The following ATP11C variants were observed in gnomAD, a reference collection of about 807,000 sequenced individuals.
ATP11C encodes ATPase phospholipid transporting 11C (ATP11C blood group), also known as phospholipid-transporting ATPase IG.
A neutral mutation model predicts 97.4 loss-of-function variants in ATP11C; 36 were observed. The observed-to-expected ratio is 0.37, with a 90% confidence interval of 0.28 to 0.49. The LOEUF is 0.49. Among genes scored for constraint, ATP11C ranks in the 20% least tolerant of loss-of-function variants. The pLI is 0.98. For missense variants in ATP11C, 730 were observed against 824.6 expected (o/e 0.89, Z 1.40); for synonymous variants, 275 against 290.9 (o/e 0.95, Z 0.56).
chrX:139,826,678 T>G (rs374351719), intron 2 of ATP11C, 26 bp downstream of exon 2: 9 of 1,162,764 alleles, frequency 7.7e-6, no homozygotes, highest in Non-Finnish European at 1.0e-5. Flanking sequence ...TATATGAACA[T>G]CTATTGAGTT....
chrX:139,841,509 G>GT (rs748011870), intron 1 of ATP11C, among the ~76,000 whole-genome samples: 3 of 112,565 alleles, frequency 2.7e-5, no homozygotes, highest in Non-Finnish European at 5.6e-5. Context: ...AAAGCTATTT[G>GT]TTCAAATGAA....
In ATP11C at chrX:139,802,323, C is replaced by A. The variant is rs897543909; in HGVS notation, c.572G>T (p.Arg191Leu). ...ESNCKTHYAV[R>L]DTIALCTAES... ...TGCTGTACACAGTGCAATGGTATCA[C>A]GTACTGCATAATGTGTCTAGTTGAA... Residue 191 changes from arginine to leucine, a missense_variant, in exon 7 of 30, where the codon CGT (arginine) becomes CTT (leucine). Arg to Leu is a moderately radical substitution (Grantham distance 102). Coordinates refer to ENST00000682941, the MANE Select transcript of ATP11C (RefSeq NM_001353812.2). 8.4e-7 allele frequency: 1 copy of A among 1,193,146 alleles called. No individual in the cohort carries two copies. The highest frequency in any genetic ancestry group is 2.2e-5 in the Admixed American group (1 of 45,446).
intron 1 of ATP11C, among the ~76,000 whole-genome samples, chrX:139,854,103 A>G (rs756489795): frequency 8.9e-6 from 1 of 111,840 alleles, no homozygotes; most frequent in South Asian, 3.7e-4. Flanking sequence ...AGTAATTGAC[A>G]GGGAAACTCT....
chrX:139,794,577 T>A (rs763976471), intron 12 of ATP11C, among the ~76,000 whole-genome samples: 2 of 110,599 alleles, frequency 1.8e-5, no homozygotes, highest in East Asian at 5.7e-4. Flanking sequence ...GAGAAAGGAG[T>A]GGTGACTAAA....
rs760251627 is a variant in ATP11C at position 139,848,380 on chromosome X, G to GT, written c.28-21558dup. Reference sequence around the variant, plus strand: ...TACCTACCTCTTCTATAGTGAGAGAGTAGGATCTGTTATCACATATTACTT... The same window carrying GT: ...TACCTACCTCTTCTATAGTGAGAGAGTTAGGATCTGTTATCACATATTACTT... On this transcript the variant is annotated intron_variant, in intron 1 of 29. Transcript: ENST00000682941. 2.4e-4 allele frequency among the ~76,000 whole-genome samples: 27 copies of GT among 111,406 alleles called. 1 individual carries two copies. In the Middle Eastern group the frequency reaches 0.014, roughly 57 times the overall value.
chrX:139,738,986 C>T (rs2081501517), intron 27 of ATP11C, among the ~76,000 whole-genome samples: 1 of 111,384 alleles, frequency 9.0e-6, no homozygotes, highest in African/African-American at 3.3e-5. Context: ...TCTATGCACC[C>T]TTATGTAACA....
At chrX:139,745,316 A>G (rs947427448) in intron 25 of ATP11C, among the ~76,000 whole-genome samples, 1 of 111,464 alleles carries the variant, frequency 9.0e-6, no homozygotes, top group East Asian at 2.8e-4. Context: ...TATTGGGCCA[A>G]CACTCCAAAG....
intron 1 of ATP11C, among the ~76,000 whole-genome samples, chrX:139,922,223 AATAT>A (rs201394639): frequency 0.022 from 964 of 43,609 alleles, 17 homozygotes; most frequent in Non-Finnish European, 0.028. Context: ...TCCTTCTCTA[AATAT>A]ATATATATAT....
At chrX:139,892,412 G>A (rs1033724984) in intron 1 of ATP11C, among the ~76,000 whole-genome samples, 1 of 111,607 alleles carries the variant, frequency 9.0e-6, no homozygotes, top group African/African-American at 3.3e-5. Context: ...AAAGCAGACA[G>A]AATATAACAT....
intron 1 of ATP11C, among the ~76,000 whole-genome samples, chrX:139,871,066 A>G (rs1281031105): frequency 0.019 from 2,003 of 106,380 alleles, 73 homozygotes; most frequent in East Asian, 0.13. Context: ...CCGTCTCAAA[A>G]AAAAAAAAAA....
chrX:139,735,612 T>A (rs2081426971), intron 28 of ATP11C, among the ~76,000 whole-genome samples: 2 of 111,752 alleles, frequency 1.8e-5, no homozygotes, highest in African/African-American at 6.5e-5. Context: ...AATAACATAC[T>A]CTTTCTCCCT....
intron 1 of ATP11C, among the ~76,000 whole-genome samples, chrX:139,886,525 AAGTGGAGGTTGC>A (rs1295044958): frequency 9.5e-6 from 1 of 105,346 alleles, no homozygotes; most frequent in East Asian, 3.0e-4. Flanking sequence ...TGAACCCGGG[AAGTGGAGGTTGC>A]AGTGAGCTGA....
chrX:139,776,528 G>A (rs1036471469), intron 18 of ATP11C, among the ~76,000 whole-genome samples: 2 of 111,646 alleles, frequency 1.8e-5, no homozygotes, highest in African/African-American at 6.5e-5. Context: ...GGGCATAATG[G>A]AGAAGCGGAT....
At chrX:139,732,497 G>A (rs1397043771) in intron 28 of ATP11C, 2 of 366,057 alleles carry the variant, frequency 5.5e-6, no homozygotes, top group Admixed American at 2.6e-5. Flanking sequence ...GATAGCAGAT[G>A]TTCCTGAGGA....
chrX:139,833,012 T>C (rs906302320), intron 1 of ATP11C, among the ~76,000 whole-genome samples: 1 of 112,036 alleles, frequency 8.9e-6, no homozygotes, highest in Non-Finnish European at 1.9e-5. Context: ...TTATTACAGT[T>C]TAAGAAGAGA....
chrX:139,880,366 C>T (rs896416923), intron 1 of ATP11C, among the ~76,000 whole-genome samples: 20 of 111,648 alleles, frequency 1.8e-4, no homozygotes, highest in African/African-American at 5.2e-4. Context: ...ATACTACTTT[C>T]CCCTTGCTCA....
chrX:139,825,461 T>C (rs554210585), intron 2 of ATP11C, among the ~76,000 whole-genome samples: 5 of 112,037 alleles, frequency 4.5e-5, no homozygotes, highest in African/African-American at 1.6e-4. Flanking sequence ...TTCACTATTT[T>C]AGGCATAAGT....
At chrX:139,936,199 G>T (rs1245977543), upstream of ATP11C, among the ~76,000 whole-genome samples, 7 of 111,462 alleles carry the variant, frequency 6.3e-5, no homozygotes, top group African/African-American at 2.0e-4. Context: ...TATGCAAGGT[G>T]ATTTTTTCTG....
chrX:139,844,958 C>T (rs948226042), intron 1 of ATP11C, among the ~76,000 whole-genome samples: 7 of 111,750 alleles, frequency 6.3e-5, no homozygotes, highest in African/African-American at 2.3e-4. Flanking sequence ...ATGTTCAAAA[C>T]GATAAAATGA....
Sources: gnomAD v4.1 joint callset for allele counts (sites outside exome capture counted in the v4.1 genomes callset) on GRCh38, gnomAD v4.1.1 for gene constraint, MANE v1.5 for transcripts, NCBI Gene and HGNC (gene_info 2026-07-23, HGNC 2026-07-21) for gene names.